TNFRSF10A: variants seen among roughly 807,000 people sequenced by gnomAD.
TNFRSF10A encodes the protein tumor necrosis factor receptor superfamily member 10A.
TNFRSF10A carries 44 observed loss-of-function variants against 42.8 expected under a neutral mutation model. The observed-to-expected ratio is 1.03, with a 90% CI of 0.81 to 1.32. TNFRSF10A has a LOEUF of 1.32. Ranked by LOEUF, TNFRSF10A falls within the 40% of genes most tolerant of loss-of-function variation. The pLI is 0.00. For missense variants in TNFRSF10A, 680 were observed against 602.0 expected, an observed-to-expected ratio of 1.13 and a Z score of -1.36; for synonymous variants, 259 against 234.2, an observed-to-expected ratio of 1.11 and a Z score of -0.97.
chr8:23,220,675 C>A (rs533774876), intron 1 of TNFRSF10A, among the ~76,000 whole-genome samples: 3 of 152,052 alleles, frequency 2.0e-5, no homozygotes, highest in Non-Finnish European at 4.4e-5. Flanking sequence ...TCCTAATGAA[C>A]TTGAAAGAGA....
rs1463941750 is a variant in TNFRSF10A, at chr8:23,191,546, CG to C, written c.*147del. 1 of 1,194,994 alleles carries C rather than the reference CG, an allele frequency of 8.4e-7. No homozygotes were observed. The highest frequency in any genetic ancestry group is 1.5e-5 in the African/African-American group (1 of 64,946). The allele number at this position is 1,194,994 out of a possible 1,614,324, so 74.0% of individuals were successfully genotyped here. On this transcript the variant is annotated 3_prime_UTR_variant, in exon 10 of 10. Transcript: ENST00000221132. ...AACTTCTGACCTCAAGTGATCCACC[CG>C]CCTCAGCCTCCCAAAGTGCTGGGAT...
rs1563378561 is a variant in TNFRSF10A at position 23,199,920 on chromosome 8, A to G, written c.800-3T>C. 6.2e-7 allele frequency: 1 copy of G among 1,613,892 alleles called. No homozygotes were observed. The highest frequency in any genetic ancestry group is 8.5e-7 in the Non-Finnish European group (1 of 1,179,940). ...GCACTTGGGGTCCCCTCCACAACCTAGAAGAGAAGACGGTTCCCTTAGTGG... is the reference window on the plus strand; with the variant it reads ...GCACTTGGGGTCCCCTCCACAACCTGGAAGAGAAGACGGTTCCCTTAGTGG... On this transcript the variant is annotated splice_region_variant and splice_polypyrimidine_tract_variant and intron_variant, in intron 6 of 9. Coordinates refer to ENST00000221132, the MANE Select transcript of TNFRSF10A (RefSeq NM_003844.4).
At chr8:23,195,761 A>C (rs1800814864) in intron 9 of TNFRSF10A, among the ~76,000 whole-genome samples, 1 of 152,114 alleles carries the variant, frequency 6.6e-6, no homozygotes, top group Non-Finnish European at 1.5e-5. Context: ...TGTGTTTCAG[A>C]AGAAACACAA....
intron 2 of TNFRSF10A, among the ~76,000 whole-genome samples, chr8:23,208,462 G>GT (rs1585284421): frequency 6.6e-6 from 1 of 151,938 alleles, no homozygotes; most frequent in African/African-American, 2.4e-5. Context: ...GTTTTGTTTT[G>GT]TTTTTTGTTT....
At chr8:23,198,334 C>T (rs1208814038) in intron 8 of TNFRSF10A, among the ~76,000 whole-genome samples, 8 of 152,130 alleles carry the variant, frequency 5.3e-5, no homozygotes, top group African/African-American at 9.7e-5. Context: ...TAGAGGAGTT[C>T]GTCTTGTGTT....
chr8:23,200,370 G>A, intron 6 of TNFRSF10A, 135 bp downstream of exon 6: 1 of 942,658 alleles, frequency 1.1e-6, no homozygotes, highest in Non-Finnish European at 1.7e-6. Flanking sequence ...GAGGATGGGG[G>A]GTGATCACAA....
chr8:23,195,653 G>A (rs1247031771), intron 9 of TNFRSF10A, among the ~76,000 whole-genome samples: 3 of 152,158 alleles, frequency 2.0e-5, no homozygotes, highest in Non-Finnish European at 4.4e-5. Context: ...ACTTTGTGTG[G>A]GTAATCAGGC....
intron 2 of TNFRSF10A, among the ~76,000 whole-genome samples, chr8:23,208,321 C>A (rs914475057): frequency 3.9e-5 from 6 of 152,180 alleles, no homozygotes; most frequent in Admixed American, 1.3e-4. Flanking sequence ...GGCAGCAATG[C>A]ATTCAAGGGG....
intron 1 of TNFRSF10A, among the ~76,000 whole-genome samples, chr8:23,216,837 A>T (rs1801190687): frequency 6.6e-6 from 1 of 152,144 alleles, no homozygotes; most frequent in Admixed American, 6.5e-5. Flanking sequence ...ACATTTTTGG[A>T]GTCCTTCTAG....
At chr8:23,219,340 G>A (rs1393548884) in intron 1 of TNFRSF10A, among the ~76,000 whole-genome samples, 3 of 146,462 alleles carry the variant, frequency 2.0e-5, no homozygotes, top group African/African-American at 5.0e-5. Context: ...TCAGGTCACA[G>A]GTTCCAGGCT....
In TNFRSF10A at chr8:23,203,668, A is replaced by G. The variant is rs1264977283; in HGVS notation, c.404-907T>C. 3.9e-5 allele frequency among the ~76,000 whole-genome samples: 6 copies of G among 152,142 alleles called. No homozygotes were observed. In the East Asian group the frequency reaches 5.8e-4, roughly 15 times the overall value. On this transcript the variant is annotated intron_variant, in intron 2 of 9. Coordinates refer to ENST00000221132, the MANE Select transcript of TNFRSF10A (RefSeq NM_003844.4). ...TACTCTTAGAAAACCCAAACTGTGG[A>G]AAAAAAACTTCCTTGATAATGTGTT...
chr8:23,205,857 C>T (rs550672684), intron 2 of TNFRSF10A, among the ~76,000 whole-genome samples: 5 of 152,018 alleles, frequency 3.3e-5, no homozygotes, highest in Non-Finnish European at 7.4e-5. Flanking sequence ...GCTGGGACTA[C>T]AGGTGCCTGC....
intron 2 of TNFRSF10A, 105 bp downstream of exon 2, chr8:23,212,011 C>T: frequency 9.7e-7 from 1 of 1,026,330 alleles, no homozygotes; most frequent in Non-Finnish European, 1.4e-6. Flanking sequence ...ACTTGAAGAA[C>T]ATGGAAAAGG....
intron 9 of TNFRSF10A, 98 bp from the exon 10 acceptor site, chr8:23,192,111 C>G: frequency 2.0e-6 from 3 of 1,501,544 alleles, no homozygotes; most frequent in Non-Finnish European, 2.7e-6. Flanking sequence ...AGGAGAGAAC[C>G]TGGAGAGCCC....
chr8:23,223,968 C>T (rs1801292792), intron 1 of TNFRSF10A, among the ~76,000 whole-genome samples: 1 of 152,150 alleles, frequency 6.6e-6, no homozygotes, highest in African/African-American at 2.4e-5. Flanking sequence ...CGGAAGACAA[C>T]GAGCAGAGGA....
intron 1 of TNFRSF10A, among the ~76,000 whole-genome samples, chr8:23,223,774 G>T (rs1309501571): frequency 6.6e-6 from 1 of 152,242 alleles, no homozygotes; most frequent in African/African-American, 2.4e-5. Context: ...AAAGAGAACT[G>T]AAGGCATTGG....
At chr8:23,214,607 A>G (rs1801149917) in intron 1 of TNFRSF10A, among the ~76,000 whole-genome samples, 1 of 152,030 alleles carries the variant, frequency 6.6e-6, no homozygotes. Flanking sequence ...AGTTTGTTTT[A>G]TTTCAATTTT....
At chr8:23,214,284 G>A (rs932165070) in intron 1 of TNFRSF10A, among the ~76,000 whole-genome samples, 2 of 152,022 alleles carry the variant, frequency 1.3e-5, no homozygotes, top group Non-Finnish European at 2.9e-5. Context: ...TCAGGAGATC[G>A]AGACCATCCT....
chr8:23,199,598 G>T, intron 7 of TNFRSF10A, 150 bp from the exon 8 acceptor site: 1 of 1,056,006 alleles, frequency 9.5e-7, no homozygotes, highest in South Asian at 1.6e-5. Context: ...TGCTGCTGGG[G>T]CCAGGCCCTG....
Sources: gnomAD v4.1 joint callset for allele counts (sites outside exome capture counted in the v4.1 genomes callset) on GRCh38, gnomAD v4.1.1 for gene constraint, MANE v1.5 for transcripts, NCBI Gene and HGNC (gene_info 2026-07-23, HGNC 2026-07-21) for gene names.